The following CRTAM variants were observed in gnomAD, a reference collection of about 807,000 sequenced individuals.
CRTAM encodes cytotoxic and regulatory T-cell molecule.
Under a neutral mutation model 50.0 loss-of-function variants are expected in CRTAM, and 44 were observed. The ratio of observed to expected loss-of-function variants is 0.88; its 90% CI spans 0.69 to 1.13. CRTAM has a LOEUF of 1.13. Among genes scored for constraint, CRTAM ranks in the 50% most tolerant of loss-of-function variants. CRTAM has a pLI of 0.00. For synonymous variants in CRTAM, 159 were observed against 169.3 expected (o/e 0.94, Z 0.47); for missense variants, 448 against 457.5 (o/e 0.98, Z 0.19).
chr11:122,860,570 A>G (rs1862058763), intron 5 of CRTAM, among the ~76,000 whole-genome samples: 1 of 152,222 alleles, frequency 6.6e-6, no homozygotes, highest in Admixed American at 6.5e-5. Flanking sequence ...TACAGAGTCT[A>G]GTTTTAAATA....
intron 1 of CRTAM, among the ~76,000 whole-genome samples, chr11:122,843,958 A>T (rs1367485607): frequency 6.6e-6 from 1 of 152,220 alleles, no homozygotes; most frequent in Non-Finnish European, 1.5e-5. Context: ...TAAATCGAAC[A>T]TGGGGTCTAC....
chr11:122,858,969 C>A (rs79510098), intron 5 of CRTAM, among the ~76,000 whole-genome samples: 1,872 of 152,026 alleles, frequency 0.012, 48 homozygotes, highest in African/African-American at 0.043. Context: ...TAATCGAGAA[C>A]CCCAAAGAAC....
intron 6 of CRTAM, among the ~76,000 whole-genome samples, chr11:122,863,902 G>A (rs753874855): frequency 8.6e-5 from 13 of 151,940 alleles, no homozygotes; most frequent in Admixed American, 6.6e-4. Flanking sequence ...TCCCCTCGGG[G>A]TCCACATAGT....
intron 7 of CRTAM, among the ~76,000 whole-genome samples, chr11:122,866,829 TCAAACTCCTGG>T (rs1193429073): frequency 2.6e-5 from 4 of 151,996 alleles, no homozygotes; most frequent in Non-Finnish European, 4.4e-5. Flanking sequence ...CAGGCTGGTC[TCAAACTCCTGG>T]CCTCAAGCAA....
In CRTAM at chr11:122,850,263, G is replaced by C. The variant is rs752074871; in HGVS notation, c.193+49G>C. On this transcript the variant is annotated intron_variant, in intron 2 of 9. Transcript: ENST00000227348. The stretch of plus-strand genomic sequence containing the variant: ...AATGCCACCAGACCTTAACCTGAGG[G>C]TTTTTCCAGCCGGACAGTTTGGTGG... 5 of 1,527,074 alleles carry C rather than the reference G, an allele frequency of 3.3e-6. No individual in the cohort carries two copies. In the Admixed American group the frequency reaches 9.6e-5, roughly 29 times the overall value. 94.6% of individuals were successfully genotyped at this position (1,527,074 alleles called of 1,614,324 possible).
chr11:122,867,876 A>G (rs995353826), intron 8 of CRTAM, 137 bp from the exon 9 acceptor site: 1 of 643,766 alleles, frequency 1.6e-6, no homozygotes, highest in African/African-American at 1.8e-5. Context: ...TATGTGTTGA[A>G]TTAATGAGGT....
chr11:122,852,186 A>T (rs1453745516), intron 3 of CRTAM, among the ~76,000 whole-genome samples: 8 of 152,242 alleles, frequency 5.3e-5, no homozygotes, highest in African/African-American at 1.9e-4. Flanking sequence ...ATCTCTGCCC[A>T]TAAGGAGTTT....
intron 5 of CRTAM, among the ~76,000 whole-genome samples, chr11:122,859,681 T>C (rs1238343925): frequency 1.3e-5 from 2 of 152,212 alleles, no homozygotes; most frequent in Non-Finnish European, 2.9e-5. Flanking sequence ...CTATTCTTCT[T>C]TGATGTTACA....
intron 9 of CRTAM, 38 bp downstream of exon 9, chr11:122,868,137 G>A: frequency 2.4e-6 from 3 of 1,229,544 alleles, no homozygotes; most frequent in Non-Finnish European, 3.6e-6. Context: ...GAACAATGAG[G>A]TTCATTAATG....
At chr11:122,856,133 C>T (rs761395081) in intron 5 of CRTAM, among the ~76,000 whole-genome samples, 25 of 152,108 alleles carry the variant, frequency 1.6e-4, no homozygotes, top group Admixed American at 8.5e-4. Context: ...GACTTTAAAT[C>T]GTTTTATTGC....
rs766794474 is a variant in CRTAM, at chr11:122,862,537, C to A, written c.726C>A (p.Thr242=). The A allele has an allele frequency of 2.5e-6, 4 of 1,594,432 alleles. No homozygotes were observed. The highest frequency in any genetic ancestry group is 3.4e-6 in the Non-Finnish European group (4 of 1,162,410). Residue 242 remains threonine, a synonymous_variant, in exon 6 of 10, where the codon ACC becomes ACA. Coordinates refer to ENST00000227348, the MANE Select transcript of CRTAM (RefSeq NM_019604.4). ...SLSSQDPQQP[T]STVSVTEDSS... ...CCTCTCAAGACCCACAGCAGCCCACCAGTACTGGTAAGTGTCAAAATCATT... is the reference window on the plus strand; with the variant it reads ...CCTCTCAAGACCCACAGCAGCCCACAAGTACTGGTAAGTGTCAAAATCATT...
chr11:122,862,242 C>A (rs1862095003), intron 5 of CRTAM: 1 of 560,038 alleles, frequency 1.8e-6, no homozygotes, highest in Admixed American at 3.0e-5. Context: ...CACAGAGGTC[C>A]AGCATGCTGT....
At chr11:122,867,354 CAAAAAA>C (rs57365669) in intron 7 of CRTAM, 49 bp from the exon 8 acceptor site, 11 of 1,243,670 alleles carry the variant, frequency 8.8e-6, no homozygotes, top group East Asian at 5.0e-5. Flanking sequence ...TCTCCAGTGG[CAAAAAA>C]AAAAAAAAAA....
chr11:122,855,919 C>G, intron 5 of CRTAM, 63 bp downstream of exon 5: 1 of 1,382,940 alleles, frequency 7.2e-7, no homozygotes, highest in Non-Finnish European at 1.0e-6. Context: ...CACTATCAAA[C>G]AAAATTAAAT....
rs780182864 is a variant in CRTAM at position 122,871,524 on chromosome 11, G to A, written c.*125G>A. The A allele has an allele frequency of 3.8e-5, 27 of 715,626 alleles. No homozygotes were observed. Among genetic ancestry groups the A allele is most frequent in the Non-Finnish European group, 5.4e-5 (25 of 462,656 alleles). The allele number at this position is 715,626 out of a possible 1,614,324, so 44.3% of individuals were successfully genotyped here. A position where few individuals can be genotyped will look rare whatever the true frequency, so the allele number is the denominator to read the frequency against. On this transcript the variant is annotated 3_prime_UTR_variant, in exon 10 of 10. Transcript: ENST00000227348. ...ACCTCTTAGTGCAATGCAAGATGGT[G>A]TCCTCGGATAATGATCTGCCCCGGA...
intron 1 of CRTAM, among the ~76,000 whole-genome samples, chr11:122,844,105 A>G (rs1465612226): frequency 1.3e-5 from 2 of 152,250 alleles, no homozygotes; most frequent in Non-Finnish European, 2.9e-5. Context: ...AGTGTGGTCA[A>G]TCTGGTTAGC....
chr11:122,863,351 A>AAGAAAGAAAGAAAGAAAAAG (rs1244147699), intron 6 of CRTAM, among the ~76,000 whole-genome samples: 2 of 60,610 alleles, frequency 3.3e-5, no homozygotes, highest in African/African-American at 8.1e-5. Context: ...GAAAGAAAGA[A>AAGAAAGAAAGAAAGAAAAAG]AAAGAAAGAA....
Position 122,867,497 on chromosome 11 carries a change from C to T in CRTAM, c.906C>T (p.Phe302=). The T allele has an allele frequency of 6.2e-7, 1 of 1,614,090 alleles. No homozygotes were observed. Among genetic ancestry groups the T allele is most frequent in the Non-Finnish European group, 8.5e-7 (1 of 1,180,000 alleles). Residue 302 remains phenylalanine (F), a synonymous_variant, in exon 8 of 10, where the codon TTC becomes TTT. Coordinates refer to ENST00000227348, the MANE Select transcript of CRTAM (RefSeq NM_019604.4). ...TGTCCTTCCTCATTTTCATACTCTT[C>T]ATCATAGTCCAGCTCTTCATCATGA... The part of the protein sequence containing the change: ...TLVSFLIFIL[F]IIVQLFIMKL...
At chr11:122,854,374 A>G (rs1183865494) in intron 4 of CRTAM, among the ~76,000 whole-genome samples, 1 of 152,218 alleles carries the variant, frequency 6.6e-6, no homozygotes, top group African/African-American at 2.4e-5. Flanking sequence ...AGTATAATAC[A>G]GAAGTATAAT....
Sources: allele counts gnomAD v4.1 joint callset (sites outside exome capture counted in the v4.1 genomes callset), GRCh38; gene constraint gnomAD v4.1.1; transcripts MANE v1.5; gene names NCBI Gene and HGNC (gene_info 2026-07-23, HGNC 2026-07-21).